The following CENPV variants were observed in gnomAD, a reference collection of about 807,000 sequenced individuals.
The protein encoded by CENPV is nuclear protein p30.
CENPV carries 15 observed loss-of-function variants against 26.4 expected under a neutral mutation model. That is an observed-to-expected ratio of 0.57 (90% CI 0.38 to 0.88). CENPV has a LOEUF of 0.88. Ranked by LOEUF, CENPV falls within the 40% of genes least tolerant of loss-of-function variation. The pLI is 0.00. For missense variants in CENPV, 336 were observed against 376.5 expected, an observed-to-expected ratio of 0.89 and a Z score of 0.89; for synonymous variants, 172 against 165.5, an observed-to-expected ratio of 1.04 and a Z score of -0.30.
chr17:16,352,453 C>A (rs1427037783), intron 1 of CENPV, among the ~76,000 whole-genome samples: 5 of 151,928 alleles, frequency 3.3e-5, no homozygotes, highest in Non-Finnish European at 7.4e-5. Flanking sequence ...CATCTCTTCG[C>A]GCGCGCTTCT....
chr17:16,344,583 T>TC lies in CENPV; in HGVS notation c.694+13dup. ...TGTGTCCCCCTGAGCTTGCAGTCCA[T>TC]CCCCTTTACTCACCGAAGCCTCCGG... On this transcript the variant is annotated intron_variant, in intron 4 of 4. Coordinates refer to ENST00000299736, the MANE Select transcript of CENPV (RefSeq NM_181716.3). The TC allele has an allele frequency of 6.7e-7, 1 of 1,495,452 alleles. No individual in the cohort carries two copies. The highest frequency in any genetic ancestry group is 9.1e-7 in the Non-Finnish European group (1 of 1,103,066). The allele number at this position is 1,495,452 out of a possible 1,614,324, so 92.6% of individuals were successfully genotyped here.
chr17:16,348,545 A>T (rs2286666), intron 3 of CENPV, 71 bp downstream of exon 3: 1 of 1,600,832 alleles, frequency 6.2e-7, no homozygotes, highest in Non-Finnish European at 8.5e-7. Context: ...GCATGCTAAC[A>T]GTTGGGTGGG....
intron 3 of CENPV, among the ~76,000 whole-genome samples, chr17:16,345,526 G>A (rs1005178647): frequency 8.6e-5 from 13 of 151,878 alleles, no homozygotes; most frequent in South Asian, 4.2e-4. Flanking sequence ...GGCTGAGATC[G>A]CACCATTAAA....
chr17:16,349,106 T>G, intron 2 of CENPV: 1 of 990,640 alleles, frequency 1.0e-6, no homozygotes, highest in Non-Finnish European at 1.2e-6. Context: ...TCACAAGAAG[T>G]CCAGCTCCAA....
chr17:16,353,182 C>T lies in CENPV; in HGVS notation c.255G>A (p.Leu85=), dbSNP rs1289600005. 4 of 1,406,072 alleles carry T rather than the reference C, an allele frequency of 2.8e-6. No homozygotes were observed. Among genetic ancestry groups the T allele is most frequent in the Non-Finnish European group, 3.7e-6 (4 of 1,084,270 alleles). 87.1% of individuals were successfully genotyped at this position (1,406,072 alleles called of 1,614,324 possible). A position where few individuals can be genotyped will look rare whatever the true frequency, so the allele number is the denominator to read the frequency against. Residue 85 remains leucine, a synonymous_variant, in exon 1 of 5, where the codon TTG becomes TTA. Transcript: ENST00000299736. ...GCGGCGGCGGCGGCGGTGGCGGGAG[C>T]AACGCCAGCTCAGGCGGCGGCGGCT... ...PGEPPPPELA[L]LPPPPPPPPT...
chr17:16,345,160 G>A (rs2093200499), intron 3 of CENPV, among the ~76,000 whole-genome samples: 1 of 151,620 alleles, frequency 6.6e-6, no homozygotes, highest in African/African-American at 2.4e-5. Context: ...TACTCGGGAG[G>A]CTGAGGCAGG....
In CENPV at chr17:16,342,838, G is replaced by A. The variant is rs547635883; in HGVS notation, c.798C>T (p.Ile266=). ...AAGCTCACTCTTTAGACATGTTCTTGATGGTCTTGTGCTCTTTCATGGCCT... is the reference window on the plus strand; with the variant it reads ...AAGCTCACTCTTTAGACATGTTCTTAATGGTCTTGTGCTCTTTCATGGCCT... ...WEKAMKEHKT[I]KNMSKE is the part of the protein sequence containing the mutation. The change falls in exon 5 of 5, where the codon ATC becomes ATT. Residue 266 remains isoleucine (I), a synonymous_variant. Transcript: ENST00000299736. The A allele has an allele frequency of 4.3e-6, 7 of 1,614,100 alleles. No individual in the cohort carries two copies. In the South Asian group the frequency reaches 7.7e-5, roughly 18 times the overall value.
At chr17:16,349,731 G>T in intron 2 of CENPV, 200 bp downstream of exon 2, 1 of 1,360,290 alleles carries the variant, frequency 7.4e-7, no homozygotes, top group South Asian at 1.7e-5. Context: ...CCTGGGCCAT[G>T]CTGTTGAAGC....
chr17:16,346,995 C>T (rs1411569234), intron 3 of CENPV, among the ~76,000 whole-genome samples: 8 of 151,826 alleles, frequency 5.3e-5, no homozygotes, highest in African/African-American at 1.9e-4. Flanking sequence ...GGACTATAGG[C>T]ATGCAACACC....
chr17:16,353,343 AGGCAGCGGCCGCGGAGGCCGC>A lies in CENPV; in HGVS notation c.73_93del (p.Ala25_Ala31del). On this transcript the variant is annotated inframe_deletion, in exon 1 of 5. Coordinates refer to ENST00000299736, the MANE Select transcript of CENPV (RefSeq NM_181716.3). ...CGTGTGCGGGTGGCGCTGGGTGCCAAGGCAGCGGCCGCGGAGGCCGCGGGGGCCGCGGAGGCCCCGGACCGC... is the reference window on the plus strand; with the variant it reads ...CGTGTGCGGGTGGCGCTGGGTGCCAAGGGGGCCGCGGAGGCCCCGGACCGC... The A allele has an allele frequency of 7.6e-7, 1 of 1,317,472 alleles. No homozygotes were observed. The highest frequency in any genetic ancestry group is 9.7e-7 in the Non-Finnish European group (1 of 1,033,532). The allele number at this position is 1,317,472 out of a possible 1,614,324, so 81.6% of individuals were successfully genotyped here.
intron 3 of CENPV, among the ~76,000 whole-genome samples, chr17:16,346,896 G>A (rs1449757866): frequency 6.6e-6 from 1 of 151,488 alleles, no homozygotes; most frequent in African/African-American, 2.4e-5. Flanking sequence ...TGTTATCCAG[G>A]CTGGAGTGCA....
intron 3 of CENPV, 50 bp from the exon 4 acceptor site, chr17:16,344,761 A>G (rs754196278): frequency 3.1e-6 from 3 of 958,708 alleles, no homozygotes; most frequent in Non-Finnish European, 1.5e-6. Context: ...AGATTTATTT[A>G]TTTAATTTAT....
In CENPV at chr17:16,345,963, G is replaced by C. The variant is rs964428106; in HGVS notation, c.580-1252C>G. ...ATTTCCTTAATGGATAATACAAACG[G>C]GAGACTGGACAAAGGACATGAACGG... On this transcript the variant is annotated intron_variant, in intron 3 of 4. Coordinates refer to ENST00000299736, the MANE Select transcript of CENPV (RefSeq NM_181716.3). Among the ~76,000 whole-genome samples the C allele has an allele frequency of 2.0e-5, 3 of 152,268 alleles. No individual in the cohort carries two copies. The East Asian group carries it at 5.8e-4, about 29-fold the overall frequency.
At chr17:16,351,619 T>C (rs990840488) in intron 1 of CENPV, 5 of 152,230 alleles carry the variant, frequency 3.3e-5, no homozygotes, top group African/African-American at 1.2e-4. Context: ...CAAACTTTTT[T>C]CTACACAATA....
At chr17:16,347,445 C>T (rs918146696) in intron 3 of CENPV, 5 of 152,084 alleles carry the variant, frequency 3.3e-5, no homozygotes, top group Non-Finnish European at 5.9e-5. Flanking sequence ...CCCGCCCAAC[C>T]CCACATTACC....
At chr17:16,347,247 G>A (rs2093210842) in intron 3 of CENPV, among the ~76,000 whole-genome samples, 1 of 152,116 alleles carries the variant, frequency 6.6e-6, no homozygotes, top group African/African-American at 2.4e-5. Context: ...AAGGGGAAGG[G>A]GTGGAGGTTT....
rs1415804647 is a variant in CENPV, at chr17:16,353,401, C to T, written c.36G>A (p.Leu12=). 3.4e-6 allele frequency: 4 copies of T among 1,179,536 alleles called. No homozygotes were observed. The African/African-American group carries it at 4.9e-5, about 14-fold the overall frequency. 73.1% of individuals were successfully genotyped at this position (1,179,536 alleles called of 1,614,324 possible). The change falls in exon 1 of 5, where the codon CTG becomes CTA. Residue 12 remains leucine (L), a synonymous_variant. Transcript: ENST00000299736. The part of the protein sequence containing the change: ...RRSRSSAAAK[L]RGQKRSGASA... ...AGGCCCCGGACCGCTTCTGCCCGCGCAGCTTGGCGGCCGCAGAGCTCCTCG... is the reference window on the plus strand; with the variant it reads ...AGGCCCCGGACCGCTTCTGCCCGCGTAGCTTGGCGGCCGCAGAGCTCCTCG...
Position 16,353,321 on chromosome 17 carries a change from G to C in CENPV, c.116C>G (p.Thr39Arg). The C allele has an allele frequency of 2.9e-6, 4 of 1,388,914 alleles. No individual in the cohort carries two copies. Among genetic ancestry groups the C allele is most frequent in the Non-Finnish European group, 3.7e-6 (4 of 1,069,030 alleles). 86.0% of individuals were successfully genotyped at this position (1,388,914 alleles called of 1,614,324 possible). The change falls in exon 1 of 5, where the codon ACA (threonine) becomes AGA (arginine). Residue 39 changes from threonine (T) to arginine (R), a missense_variant. Thr to Arg is a moderately conservative substitution (Grantham distance 71, BLOSUM62 -1). Coordinates refer to ENST00000299736, the MANE Select transcript of CENPV (RefSeq NM_181716.3). ...AAALAPSATR[T>R]RRSASQAGSK... ...CCCGGCCTGGCTAGCGGAGCGCCGT[G>C]TGCGGGTGGCGCTGGGTGCCAAGGC...
chr17:16,342,983 G>A, intron 4 of CENPV, 42 bp from the exon 5 acceptor site: 1 of 1,612,474 alleles, frequency 6.2e-7, no homozygotes, highest in Non-Finnish European at 8.5e-7. Context: ...CCTCAGTATG[G>A]GTGAGACCAG....
Sources: allele counts gnomAD v4.1 joint callset (sites outside exome capture counted in the v4.1 genomes callset), GRCh38; gene constraint gnomAD v4.1.1; transcripts MANE v1.5; gene names NCBI Gene and HGNC (gene_info 2026-07-23, HGNC 2026-07-21).